The following NSG1 variants were observed in gnomAD, a reference collection of about 807,000 sequenced individuals.
NSG1 encodes the protein neuronal vesicle trafficking associated 1.
NSG1 carries 9 observed loss-of-function variants against 19.3 expected under a neutral mutation model. The observed-to-expected ratio is 0.47, with a 90% confidence interval of 0.28 to 0.81. NSG1 has a LOEUF of 0.81. NSG1 is among the 40% of genes least tolerant of loss of function. NSG1 has a pLI of 0.11. For missense variants in NSG1, 236 were observed against 242.4 expected, an observed-to-expected ratio of 0.97 and a Z score of 0.18; for synonymous variants, 104 against 107.0, an observed-to-expected ratio of 0.97 and a Z score of 0.17.
intron 3 of NSG1, among the ~76,000 whole-genome samples, chr4:4,401,614 G>A (rs548305153): frequency 1.1e-4 from 17 of 152,250 alleles, no homozygotes; most frequent in African/African-American, 4.1e-4. Context: ...TTCTCGCCCT[G>A]TGTTGGGAAG....
intron 4 of NSG1, 109 bp from the exon 5 acceptor site, chr4:4,417,126 T>C (rs1577299471): frequency 2.2e-6 from 2 of 892,980 alleles, no homozygotes; most frequent in East Asian, 4.9e-5. Flanking sequence ...ACTGTATCTA[T>C]TCCTCCAAGC....
chr4:4,409,936 G>A (rs191222612), intron 4 of NSG1, among the ~76,000 whole-genome samples: 6 of 152,368 alleles, frequency 3.9e-5, no homozygotes, highest in Admixed American at 3.3e-4. Flanking sequence ...CAGCAGTCCG[G>A]GGAAGGGCCC....
intron 2 of NSG1, among the ~76,000 whole-genome samples, chr4:4,388,753 G>A (rs917252763): frequency 2.6e-4 from 39 of 152,192 alleles, no homozygotes; most frequent in Admixed American, 2.6e-3. Context: ...TGGGGTGGGG[G>A]TGTCCTGGTG....
chr4:4,415,516 C>G (rs542386052), intron 4 of NSG1, among the ~76,000 whole-genome samples: 1 of 152,180 alleles, frequency 6.6e-6, no homozygotes, highest in East Asian at 1.9e-4. Flanking sequence ...ACGGCAAGGC[C>G]TCTGCATTCT....
intron 3 of NSG1, among the ~76,000 whole-genome samples, chr4:4,392,673 C>T (rs1723058978): frequency 6.6e-6 from 1 of 152,224 alleles, no homozygotes; most frequent in African/African-American, 2.4e-5. Flanking sequence ...TTCCCGTTGC[C>T]ACACACTGCC....
chr4:4,397,294 C>T (rs1577283718), intron 3 of NSG1, among the ~76,000 whole-genome samples: 1 of 152,140 alleles, frequency 6.6e-6, no homozygotes, highest in East Asian at 1.9e-4. Context: ...CATGCCTGGG[C>T]TTGGGGCGCC....
At chr4:4,404,659 A>G (rs1723756879) in intron 3 of NSG1, among the ~76,000 whole-genome samples, 1 of 152,248 alleles carries the variant, frequency 6.6e-6, no homozygotes, top group Non-Finnish European at 1.5e-5. Flanking sequence ...TCCTGGAGGA[A>G]ACGCCGATGT....
chr4:4,400,088 T>A (rs1370318380), intron 3 of NSG1, among the ~76,000 whole-genome samples: 1 of 152,258 alleles, frequency 6.6e-6, no homozygotes, highest in Non-Finnish European at 1.5e-5. Flanking sequence ...TGTTTTCTTC[T>A]AAGAGTTTTA....
chr4:4,407,509 C>T (rs1262315056), intron 3 of NSG1, among the ~76,000 whole-genome samples: 4 of 152,082 alleles, frequency 2.6e-5, no homozygotes, highest in Non-Finnish European at 5.9e-5. Context: ...TGCTGAGAGC[C>T]CCTGGGACCA....
chr4:4,416,580 G>A (rs971701617), intron 4 of NSG1, among the ~76,000 whole-genome samples: 14 of 152,326 alleles, frequency 9.2e-5, no homozygotes, highest in African/African-American at 3.4e-4. Context: ...GGCCTGGCCT[G>A]CAGGGAATGG....
intron 4 of NSG1, among the ~76,000 whole-genome samples, chr4:4,412,043 G>A (rs1246809923): frequency 1.3e-5 from 2 of 152,190 alleles, no homozygotes; most frequent in Non-Finnish European, 1.5e-5. Flanking sequence ...CGCAAAGTGA[G>A]GAGTGTGTTG....
chr4:4,390,767 G>A (rs1172449109), intron 2 of NSG1, among the ~76,000 whole-genome samples: 1 of 152,226 alleles, frequency 6.6e-6, no homozygotes, highest in Non-Finnish European at 1.5e-5. Context: ...GGCCAGGGCT[G>A]TGAGTGTCCA....
intron 3 of NSG1, among the ~76,000 whole-genome samples, chr4:4,402,279 C>T (rs1352382636): frequency 1.3e-5 from 2 of 149,114 alleles, no homozygotes; most frequent in African/African-American, 2.5e-5. Context: ...GATCTTGGCT[C>T]ACTATAACTT....
chr4:4,395,366 A>G (rs1723202078), intron 3 of NSG1, among the ~76,000 whole-genome samples: 1 of 152,178 alleles, frequency 6.6e-6, no homozygotes, highest in Non-Finnish European at 1.5e-5. Context: ...GGTGCATTCC[A>G]GCACAGAAGC....
chr4:4,388,123 G>A (rs1722831121), intron 2 of NSG1, among the ~76,000 whole-genome samples: 1 of 134,848 alleles, frequency 7.4e-6, no homozygotes, highest in African/African-American at 2.6e-5. Flanking sequence ...CTAGGGGCGG[G>A]CGAGGCTGCC....
At chr4:4,410,392 C>T (rs1044851144) in intron 4 of NSG1, among the ~76,000 whole-genome samples, 2 of 152,338 alleles carry the variant, frequency 1.3e-5, no homozygotes, top group South Asian at 4.1e-4. Context: ...GACGGGAATA[C>T]GTCCTGAGAA....
chr4:4,389,085 C>T (rs941471132), intron 2 of NSG1, among the ~76,000 whole-genome samples: 1 of 152,266 alleles, frequency 6.6e-6, no homozygotes, highest in Non-Finnish European at 1.5e-5. Flanking sequence ...CCCAGCTGCT[C>T]GGCTGAGGAG....
chr4:4,391,363 G>A, intron 2 of NSG1, 112 bp from the exon 3 acceptor site: 1 of 693,582 alleles, frequency 1.4e-6, no homozygotes, highest in Non-Finnish European at 2.5e-6. Flanking sequence ...TCGTTCTTGT[G>A]AATTTCTTCC....
rs572311223 is a variant in NSG1, at chr4:4,405,459, C to T, written c.247-4114C>T. On this transcript the variant is annotated intron_variant, in intron 3 of 4. Coordinates refer to ENST00000621129, the MANE Select transcript of NSG1 (RefSeq NM_014392.5). ...GGTCTCTTGTCCTTCTCCTGAGATG[C>T]GTCAGGGTGTAAGGCATGGTTCCCC... Among the ~76,000 whole-genome samples the T allele has an allele frequency of 5.3e-5, 8 of 152,280 alleles. No individual in the cohort carries two copies. The South Asian group carries it at 1.0e-3, about 20-fold the overall frequency.
Sources: allele counts gnomAD v4.1 joint callset (sites outside exome capture counted in the v4.1 genomes callset), GRCh38; gene constraint gnomAD v4.1.1; transcripts MANE v1.5; gene names NCBI Gene and HGNC (gene_info 2026-07-23, HGNC 2026-07-21).